PANK1: variants seen among roughly 807,000 people sequenced by gnomAD.
PANK1 encodes the protein pantothenic acid kinase 1.
PANK1 carries 18 observed loss-of-function variants against 40.1 expected under a neutral mutation model. The observed-to-expected ratio is 0.45, with a 90% CI of 0.31 to 0.67. The LOEUF (loss-of-function observed/expected upper bound fraction) is 0.67. PANK1 is among the 30% of genes least tolerant of loss of function. The pLI, the probability that PANK1 is intolerant of heterozygous loss-of-function variation, is 0.06. For missense variants in PANK1, 457 were observed against 599.6 expected (o/e 0.76, Z 2.48); for synonymous variants, 242 against 237.7 (o/e 1.02, Z -0.17).
chr10:89,637,165 G>A (rs1467867313), intron 1 of PANK1, among the ~76,000 whole-genome samples: 2 of 152,110 alleles, frequency 1.3e-5, no homozygotes, highest in African/African-American at 4.8e-5. Flanking sequence ...GCCCACCTGA[G>A]CACCGTTGAG....
chr10:89,630,599 T>C (rs549944062), intron 1 of PANK1, among the ~76,000 whole-genome samples: 1 of 152,082 alleles, frequency 6.6e-6, no homozygotes, highest in South Asian at 2.1e-4. Flanking sequence ...TTCACACCTT[T>C]CTCCTGCCTC....
downstream of PANK1, chr10:89,579,685 T>G (rs932222138): frequency 3.9e-5 from 6 of 152,218 alleles, no homozygotes; most frequent in African/African-American, 1.4e-4. Flanking sequence ...TTGCATTTTA[T>G]GATCATCTGA....
intron 1 of PANK1, among the ~76,000 whole-genome samples, chr10:89,618,721 T>C (rs2133975512): frequency 6.6e-6 from 1 of 152,368 alleles, no homozygotes; most frequent in Middle Eastern, 3.4e-3. Context: ...TACGTCACTT[T>C]CAGGCAAGAA....
intron 1 of PANK1, among the ~76,000 whole-genome samples, chr10:89,619,552 C>T (rs1845419103): frequency 6.6e-6 from 1 of 152,194 alleles, no homozygotes; most frequent in Non-Finnish European, 1.5e-5. Context: ...TGGTGAGGCA[C>T]AAGTGTTCCT....
intron 2 of PANK1, among the ~76,000 whole-genome samples, chr10:89,608,485 T>G (rs1054541056): frequency 2.0e-5 from 3 of 152,228 alleles, no homozygotes; most frequent in Non-Finnish European, 4.4e-5. Context: ...TGTGTCATGG[T>G]TTATAGTTCT....
At chr10:89,599,085 A>G in intron 3 of PANK1, 167 bp downstream of exon 3, 1 of 623,034 alleles carries the variant, frequency 1.6e-6, no homozygotes, top group Non-Finnish European at 2.8e-6. Flanking sequence ...ACATTTATAT[A>G]AATCACCCAC....
At chr10:89,641,718 C>T (rs867070932) in intron 1 of PANK1, among the ~76,000 whole-genome samples, 5 of 149,036 alleles carry the variant, frequency 3.4e-5, no homozygotes, top group Non-Finnish European at 7.4e-5. Flanking sequence ...GGCGACAGAG[C>T]GAGAATCCGT....
At chr10:89,630,709 G>A (rs1564635909) in intron 1 of PANK1, among the ~76,000 whole-genome samples, 1 of 152,092 alleles carries the variant, frequency 6.6e-6, no homozygotes, top group Non-Finnish European at 1.5e-5. Flanking sequence ...AGCCAGGATG[G>A]TCTCGATCTC....
At chr10:89,624,536 C>T (rs1845601485) in intron 1 of PANK1, among the ~76,000 whole-genome samples, 1 of 152,254 alleles carries the variant, frequency 6.6e-6, no homozygotes, top group African/African-American at 2.4e-5. Context: ...CCACCATCCA[C>T]TTTGCATTTG....
At chr10:89,591,310 T>C (rs1159584594) in intron 5 of PANK1, among the ~76,000 whole-genome samples, 1 of 152,074 alleles carries the variant, frequency 6.6e-6, no homozygotes, top group African/African-American at 2.4e-5. Flanking sequence ...GAAGTGGAAA[T>C]GGTGACTCAC....
At chr10:89,616,099 G>A (rs1420852680) in intron 1 of PANK1, among the ~76,000 whole-genome samples, 2 of 152,178 alleles carry the variant, frequency 1.3e-5, no homozygotes, top group Non-Finnish European at 2.9e-5. Context: ...TATTTCTAGA[G>A]TATTCATCAA....
chr10:89,607,833 C>A (rs182937112), intron 2 of PANK1, among the ~76,000 whole-genome samples: 30 of 94,648 alleles, frequency 3.2e-4, no homozygotes, highest in African/African-American at 9.3e-4. Flanking sequence ...ACCTACAGAG[C>A]CTTGGTGCAC....
intron 2 of PANK1, among the ~76,000 whole-genome samples, chr10:89,600,278 T>C (rs1315118490): frequency 6.6e-6 from 1 of 152,200 alleles, no homozygotes; most frequent in East Asian, 1.9e-4. Context: ...AAAAATGCTA[T>C]ACTTCCTTGG....
At chr10:89,580,201 G>A (rs1304084827), downstream of PANK1, 1 of 152,196 alleles carries the variant, frequency 6.6e-6, no homozygotes, top group African/African-American at 2.4e-5. Context: ...CGAAAGCATG[G>A]TTCACTCTGT....
chr10:89,639,971 C>T (rs1841926022), intron 1 of PANK1, among the ~76,000 whole-genome samples: 1 of 152,216 alleles, frequency 6.6e-6, no homozygotes, highest in African/African-American at 2.4e-5. Flanking sequence ...ACAGAACACA[C>T]TTTTTTTTCC....
At chr10:89,589,393 T>C (rs141491234) in intron 5 of PANK1, among the ~76,000 whole-genome samples, 128 of 152,352 alleles carry the variant, frequency 8.4e-4, no homozygotes, top group African/African-American at 2.9e-3. Flanking sequence ...CATACACTTA[T>C]GAACATTCCT....
chr10:89,586,239 C>T (rs906357694), intron 6 of PANK1, among the ~76,000 whole-genome samples: 2 of 152,176 alleles, frequency 1.3e-5, no homozygotes, highest in African/African-American at 4.8e-5. Flanking sequence ...TAACTGGGCA[C>T]CCTGTATTTT....
rs1306621397 is a variant in PANK1 at position 89,583,341 on chromosome 10, GA to G, written c.*1064del. ...GTTTTTAGTTTAAAATATTAAAAATGAAAAAACCTTTAACATTATTAAAGAT... is the reference window on the plus strand; with the variant it reads ...GTTTTTAGTTTAAAATATTAAAAATGAAAAACCTTTAACATTATTAAAGAT... On this transcript the variant is annotated 3_prime_UTR_variant, in exon 7 of 7. Transcript: ENST00000307534. The G allele has an allele frequency of 6.6e-6, 1 of 152,014 alleles. No homozygotes were observed. The allele number at this position is 152,014 out of a possible 1,614,324, so 9.4% of individuals were successfully genotyped here. A position where few individuals can be genotyped will look rare whatever the true frequency, so the allele number is the denominator to read the frequency against.
intron 1 of PANK1, among the ~76,000 whole-genome samples, chr10:89,623,937 T>C (rs1358140588): frequency 6.6e-6 from 1 of 152,168 alleles, no homozygotes; most frequent in Non-Finnish European, 1.5e-5. Context: ...ACTTAGCAAT[T>C]GAAAATACGC....
Sources: allele counts gnomAD v4.1 joint callset (sites outside exome capture counted in the v4.1 genomes callset), GRCh38; gene constraint gnomAD v4.1.1; transcripts MANE v1.5; gene names NCBI Gene and HGNC (gene_info 2026-07-23, HGNC 2026-07-21).